The following SLMAP variants were observed in gnomAD, a reference collection of about 807,000 sequenced individuals.
SLMAP encodes sarcolemmal membrane-associated protein.
SLMAP carries 44 observed loss-of-function variants against 128.8 expected under a neutral mutation model. The observed-to-expected ratio is 0.34, with a 90% confidence interval of 0.27 to 0.44. The LOEUF (loss-of-function observed/expected upper bound fraction) is 0.44, where lower values mean the gene tolerates loss of function less well. SLMAP is among the 20% of genes least tolerant of loss of function. The probability of loss-of-function intolerance (pLI) is 1.00; values close to 1 mark genes in which losing one functional copy is unlikely to be tolerated. For synonymous variants in SLMAP, 327 were observed against 348.8 expected (o/e 0.94, Z 0.70); for missense variants, 787 against 985.3 (o/e 0.80, Z 2.69).
chr3:57,925,430 C>G (rs1183039170), intron 23 of SLMAP, among the ~76,000 whole-genome samples: 1 of 151,622 alleles, frequency 6.6e-6, no homozygotes, highest in African/African-American at 2.4e-5. Context: ...CTGGTTCAAG[C>G]AATTCTCCTG....
intron 6 of SLMAP, among the ~76,000 whole-genome samples, chr3:57,853,955 T>TTATATATATATATATA (rs1157170350): frequency 9.4e-5 from 3 of 31,940 alleles, no homozygotes; most frequent in African/African-American, 2.8e-4. Context: ...AAAAAAAAAA[T>TTATATATATATATATA]TATATATATA....
chr3:57,772,516 A>C (rs2081086740), intron 2 of SLMAP, among the ~76,000 whole-genome samples: 1 of 152,212 alleles, frequency 6.6e-6, no homozygotes, highest in African/African-American at 2.4e-5. Context: ...CTTATACCTC[A>C]GCTTATAATG....
chr3:57,853,980 T>TATATATATATATTTACATATA (rs1560254201), intron 6 of SLMAP, among the ~76,000 whole-genome samples: 44 of 105,840 alleles, frequency 4.2e-4, no homozygotes, highest in African/African-American at 1.5e-3. Flanking sequence ...TATATATATA[T>TATATATATATATTTACATATA]ATATATATAT....
At chr3:57,903,590 T>A (rs2096453146) in intron 17 of SLMAP, among the ~76,000 whole-genome samples, 1 of 152,214 alleles carries the variant, frequency 6.6e-6, no homozygotes, top group South Asian at 2.1e-4. Flanking sequence ...TGATGCCAAA[T>A]TTAATTTAGG....
Position 57,830,648 on chromosome 3 carries a change from A to G in SLMAP, c.199-735A>G, listed in dbSNP as rs141797768. Among the ~76,000 whole-genome samples the G allele has an allele frequency of 2.8e-3, 428 of 152,290 alleles. 1 individual carries two copies. The highest frequency in any genetic ancestry group is 9.8e-3 in the African/African-American group (409 of 41,548). ...AAGAGGGAGGGTTACCCAAGTGATG[A>G]GAAGCAAATTTGGACAACCATCACC... On this transcript the variant is annotated intron_variant, in intron 2 of 24. Coordinates refer to ENST00000671191, the MANE Select transcript of SLMAP (RefSeq NM_001377540.1).
intron 2 of SLMAP, among the ~76,000 whole-genome samples, chr3:57,791,201 C>CAA (rs201545140): frequency 6.6e-6 from 1 of 150,784 alleles, no homozygotes; most frequent in Non-Finnish European, 1.5e-5. Context: ...ACTAAAAATA[C>CAA]AAAAAAAAAT....
In SLMAP at chr3:57,896,515, T is replaced by G. The variant is rs761237172; in HGVS notation, c.1365T>G (p.Asn455Lys). 3 of 1,598,456 alleles carry G rather than the reference T, an allele frequency of 1.9e-6. No homozygotes were observed. In the Admixed American group the frequency reaches 5.4e-5, roughly 29 times the overall value. Residue 455 changes from asparagine to lysine, a missense_variant, in exon 16 of 25, where the codon AAT becomes AAG. Physicochemically the swap from Asn to Lys is moderately conservative, Grantham distance 94. This residue lies in a region of SLMAP where 715 missense variants were observed against 843.6 expected (regional missense o/e 0.85). Transcript: ENST00000671191. ...AVEETKLSKE[N>K]QTRAKESDFS... is the part of the protein sequence containing the mutation. ...CTTTTATTTTTTTCTTGGTAGAAAA[T>G]CAGACAAGAGCAAAAGAATCTGATT...
intron 8 of SLMAP, among the ~76,000 whole-genome samples, chr3:57,859,320 CAAAAA>C (rs555697911): frequency 1.5e-5 from 1 of 68,908 alleles, no homozygotes; most frequent in Non-Finnish European, 3.0e-5. Flanking sequence ...GAGACTGTCT[CAAAAA>C]AAAAAAAAAA....
At chr3:57,773,585 C>A (rs1166490231) in intron 2 of SLMAP, among the ~76,000 whole-genome samples, 1 of 152,114 alleles carries the variant, frequency 6.6e-6, no homozygotes, top group Non-Finnish European at 1.5e-5. Flanking sequence ...CTTGGAGTTG[C>A]AACTGTGGGG....
intron 2 of SLMAP, among the ~76,000 whole-genome samples, chr3:57,805,605 C>T (rs1355541953): frequency 3.9e-5 from 6 of 152,164 alleles, no homozygotes; most frequent in Non-Finnish European, 7.3e-5. Flanking sequence ...AACTGGTCTC[C>T]AACTCTTTAG....
At chr3:57,909,779 A>C (rs945021883) in intron 19 of SLMAP, among the ~76,000 whole-genome samples, 2 of 151,792 alleles carry the variant, frequency 1.3e-5, no homozygotes, top group Non-Finnish European at 2.9e-5. Context: ...CACCCAGCTA[A>C]TTTTGTATTT....
intron 14 of SLMAP, among the ~76,000 whole-genome samples, chr3:57,885,134 A>G (rs1442655378): frequency 6.7e-6 from 1 of 149,222 alleles, no homozygotes; most frequent in Admixed American, 6.8e-5. Flanking sequence ...GTGCAATGGC[A>G]CAGTCTCGGC....
chr3:57,883,187 G>GACT (rs1360918633), intron 14 of SLMAP, among the ~76,000 whole-genome samples: 3 of 152,296 alleles, frequency 2.0e-5, no homozygotes, highest in African/African-American at 7.2e-5. Flanking sequence ...GATAGGAATA[G>GACT]AGGCTTAGTG....
At chr3:57,813,363 T>A (rs1240665277) in intron 2 of SLMAP, among the ~76,000 whole-genome samples, 1 of 152,180 alleles carries the variant, frequency 6.6e-6, no homozygotes, top group African/African-American at 2.4e-5. Context: ...CCCAAAGTGC[T>A]GGGATTACAA....
chr3:57,821,451 T>C (rs2092509236), intron 2 of SLMAP, among the ~76,000 whole-genome samples: 1 of 152,212 alleles, frequency 6.6e-6, no homozygotes, highest in African/African-American at 2.4e-5. Context: ...CTATAGAATA[T>C]GAATAAAGAT....
intron 14 of SLMAP, among the ~76,000 whole-genome samples, chr3:57,880,894 A>G (rs1030840607): frequency 6.6e-6 from 1 of 151,542 alleles, no homozygotes; most frequent in African/African-American, 2.4e-5. Flanking sequence ...CAGAATTTTT[A>G]AAAAAAGAGT....
intron 2 of SLMAP, among the ~76,000 whole-genome samples, chr3:57,808,304 T>G (rs1309419087): frequency 6.6e-6 from 1 of 152,166 alleles, no homozygotes; most frequent in East Asian, 1.9e-4. Context: ...TGCTAGCTTT[T>G]GGATTTGTTT....
At chr3:57,926,136 G>A in intron 24 of SLMAP, 1 of 564,856 alleles carries the variant, frequency 1.8e-6, no homozygotes, top group Non-Finnish European at 3.1e-6. Flanking sequence ...TTACTTTGTA[G>A]TAATGCTAAC....
At chr3:57,913,752 T>TC (rs2096749839) in intron 21 of SLMAP, among the ~76,000 whole-genome samples, 1 of 150,810 alleles carries the variant, frequency 6.6e-6, no homozygotes, top group Non-Finnish European at 1.5e-5. Context: ...AGCCTGAGAG[T>TC]CCAAGATCAG....
Sources: gnomAD v4.1 joint callset for allele counts (sites outside exome capture counted in the v4.1 genomes callset) on GRCh38, gnomAD v4.1.1 for gene constraint, gnomAD v4.1.1 regional missense constraint, MANE v1.5 for transcripts, NCBI Gene and HGNC (gene_info 2026-07-23, HGNC 2026-07-21) for gene names.